The following SIPA1 variants were observed in gnomAD, a reference collection of about 807,000 sequenced individuals.
SIPA1 encodes signal-induced proliferation-associated protein 1.
Under a neutral mutation model 88.1 loss-of-function variants are expected in SIPA1, and 51 were observed. That is an observed-to-expected ratio of 0.58 (90% CI 0.46 to 0.73). SIPA1 has a LOEUF of 0.73. Among genes scored for constraint, SIPA1 ranks in the 30% least tolerant of loss-of-function variants. The pLI, the probability that SIPA1 is intolerant of heterozygous loss-of-function variation, is 0.00. For synonymous variants in SIPA1, 681 were observed against 664.8 expected, an observed-to-expected ratio of 1.02 and a Z score of -0.37; for missense variants, 1,348 against 1,467.6, an observed-to-expected ratio of 0.92 and a Z score of 1.33.
rs1472006126 is a variant in SIPA1 at position 65,640,969 on chromosome 11, C to T, written c.48C>T (p.Ala16=). The change falls in exon 2 of 16, where the codon GCC becomes GCT. Residue 16 remains alanine (A), a synonymous_variant. Coordinates refer to ENST00000534313, the MANE Select transcript of SIPA1 (RefSeq NM_006747.4). ...GGVGSPRRGM[A]PASTDDLFAR... ...TGGGGAGCCCTCGGCGGGGCATGGC[C>T]CCTGCGTCCACAGATGACCTCTTTG... 3.2e-6 allele frequency: 5 copies of T among 1,570,534 alleles called. No homozygotes were observed. In the Admixed American group the frequency reaches 7.3e-5, roughly 23 times the overall value.
chr11:65,638,783 C>A (rs1855947191), intron 1 of SIPA1, among the ~76,000 whole-genome samples: 1 of 152,330 alleles, frequency 6.6e-6, no homozygotes, highest in South Asian at 2.1e-4. Flanking sequence ...GGGCAGAGCC[C>A]GAGAACACCC....
Position 65,649,264 on chromosome 11 carries a change from G to A in SIPA1, c.2309G>A (p.Ser770Asn). The A allele has an allele frequency of 4.0e-6, 6 of 1,518,368 alleles. No individual in the cohort carries two copies. The highest frequency in any genetic ancestry group is 5.3e-6 in the Non-Finnish European group (6 of 1,125,666). 94.1% of individuals were successfully genotyped at this position (1,518,368 alleles called of 1,614,324 possible). Reference sequence around the variant, plus strand: ...CCTGACCCTGTCCCACCCCACAGGAGTTTTTCGGAGCTGTACACGCTGTCG... The same window carrying A: ...CCTGACCCTGTCCCACCCCACAGGAATTTTTCGGAGCTGTACACGCTGTCG... ...PPDESGRPRR[S>N]FSELYTLSLQ... Residue 770 changes from serine (S) to asparagine (N), a missense_variant and splice_region_variant, in exon 10 of 16, where the codon AGT becomes AAT. Around this residue, in one of 4 missense-constraint regions of SIPA1, gnomAD observed 615 missense variants for 559.8 expected, o/e 1.10. Transcript: ENST00000534313.
intron 8 of SIPA1, 78 bp downstream of exon 8, chr11:65,647,143 T>C: frequency 7.0e-7 from 1 of 1,422,948 alleles, no homozygotes; most frequent in Non-Finnish European, 9.2e-7. Flanking sequence ...CCCGCCGCCT[T>C]TGTCCCCTAC....
intron 9 of SIPA1, 22 bp downstream of exon 9, chr11:65,647,680 G>T (rs1195034762): frequency 1.5e-6 from 2 of 1,327,116 alleles, no homozygotes; most frequent in African/African-American, 3.1e-5. Flanking sequence ...GGGGACGCGG[G>T]GAGGTGGGAG....
intron 1 of SIPA1, chr11:65,639,321 CTGG>C (rs914913398): frequency 6.6e-5 from 10 of 152,238 alleles, no homozygotes; most frequent in African/African-American, 2.4e-4. Flanking sequence ...GTTAGCTAGG[CTGG>C]TCTTGAACTC....
chr11:65,640,988 C>T lies in SIPA1; in HGVS notation c.67C>T (p.Leu23Phe), dbSNP rs781439867. The change falls in exon 2 of 16, where the codon CTC (leucine) becomes TTC (phenylalanine). Residue 23 changes from leucine to phenylalanine, a missense_variant. Physicochemically the swap from Leu to Phe is conservative, Grantham distance 22. Transcript: ENST00000534313. Reference protein sequence around the residue: ...RGMAPASTDDLFARKLRQPAR... With the variant: ...RGMAPASTDDFFARKLRQPAR... ...CATGGCCCCTGCGTCCACAGATGAC[C>T]TCTTTGCCCGCAAGCTGCGCCAGCC... 1.9e-6 allele frequency: 3 copies of T among 1,586,406 alleles called. No homozygotes were observed. Among genetic ancestry groups the T allele is most frequent in the Non-Finnish European group, 2.6e-6 (3 of 1,172,574 alleles).
In SIPA1 at chr11:65,650,445, C is replaced by G. The variant is rs1225219336; in HGVS notation, c.2948C>G (p.Ser983Cys). 1.2e-6 allele frequency: 2 copies of G among 1,614,140 alleles called. No homozygotes were observed. The highest frequency in any genetic ancestry group is 1.7e-6 in the Non-Finnish European group (2 of 1,180,026). ...TCAGAGAAGGTCTCTCACTTGGAGT[C>G]CATGCTCAGGAAGCTGCAGGAGGAC... ...NLSEKVSHLE[S>C]MLRKLQEDLQ... Residue 983 changes from serine to cysteine, a missense_variant, in exon 15 of 16, where the codon TCC becomes TGC. Transcript: ENST00000534313.
At position 65,642,778 on chromosome 11, in the gene SIPA1, G is replaced by C. The variant is rs560883497; in HGVS notation, c.984+139G>C. ...CAGAAGAGCTGGCTTTTCAGAGACA[G>C]GGCATCAGAGTTCATCTGGAGCCTT... is the stretch of plus-strand genomic sequence containing the variant. On this transcript the variant is annotated intron_variant, in intron 4 of 15. Transcript: ENST00000534313. The surrounding 1 kb of genome is among the most constrained non-coding windows in gnomAD (Gnocchi z 6.5). 12 of 753,846 alleles carry C rather than the reference G, an allele frequency of 1.6e-5. No individual in the cohort carries two copies. Among genetic ancestry groups the C allele is most frequent in the Admixed American group, 3.4e-5 (1 of 29,786 alleles). 46.7% of individuals were successfully genotyped at this position (753,846 alleles called of 1,614,324 possible). A position where few individuals can be genotyped will look rare whatever the true frequency, so the allele number is the denominator to read the frequency against.
chr11:65,646,758 T>G lies in SIPA1; in HGVS notation c.1724T>G (p.Leu575Arg). 1.3e-6 allele frequency: 2 copies of G among 1,496,382 alleles called. No individual in the cohort carries two copies. Among genetic ancestry groups the G allele is most frequent in the Non-Finnish European group, 1.8e-6 (2 of 1,129,678 alleles). 92.7% of individuals were successfully genotyped at this position (1,496,382 alleles called of 1,614,324 possible). ...RAAPRGPGAELQAAGSLVWGV... is the reference protein window; with the variant it reads ...RAAPRGPGAERQAAGSLVWGV... ...GCCCCTCGGGGCCCAGGCGCCGAGC[T>G]GCAGGCAGCGGGCTCACTGGTGTGG... The change falls in exon 8 of 16, where the codon CTG (leucine) becomes CGG (arginine). Residue 575 changes from leucine (L) to arginine (R), a missense_variant. Physicochemically the swap from Leu to Arg is moderately radical, Grantham distance 102. Around this residue, in one of 4 missense-constraint regions of SIPA1, gnomAD observed 68 missense variants for 59.0 expected, o/e 1.15. Transcript: ENST00000534313. This position sits in a 1 kb window ranked among gnomAD's most constrained non-coding sequence, Gnocchi z 7.5.
In SIPA1 at chr11:65,646,984, C is replaced by T. The variant is rs1232355491; in HGVS notation, c.1950C>T (p.Tyr650=). The T allele has an allele frequency of 1.3e-6, 2 of 1,540,004 alleles. No individual in the cohort carries two copies. Among genetic ancestry groups the T allele is most frequent in the Non-Finnish European group, 1.7e-6 (2 of 1,148,536 alleles). Residue 650 remains tyrosine (Y), a synonymous_variant, in exon 8 of 16, where the codon TAC becomes TAT. Transcript: ENST00000534313. The surrounding 1 kb of genome is among the most constrained non-coding windows in gnomAD (Gnocchi z 7.5). The part of the protein sequence containing the change: ...WTFSEQQLDL[Y]HGRGEAITLR... ...TCTCCGAGCAGCAGCTGGACCTGTACCACGGCCGCGGGGAGGCGATCACGC... is the reference window on the plus strand; with the variant it reads ...TCTCCGAGCAGCAGCTGGACCTGTATCACGGCCGCGGGGAGGCGATCACGC...
In SIPA1 at chr11:65,650,803, G is replaced by A. The variant is rs12420561; in HGVS notation, c.*88G>A. ...TCTCCCTGCGCAGAGGCGTGTCTTA[G>A]CACTGCCCCCCTCCCTAGCCCCTTA... is the stretch of plus-strand genomic sequence containing the variant. On this transcript the variant is annotated 3_prime_UTR_variant, in exon 16 of 16. Coordinates refer to ENST00000534313, the MANE Select transcript of SIPA1 (RefSeq NM_006747.4). 8 of 1,351,858 alleles carry A rather than the reference G, an allele frequency of 5.9e-6. No individual in the cohort carries two copies. In the East Asian group the frequency reaches 2.0e-4, roughly 34 times the overall value. The allele number at this position is 1,351,858 out of a possible 1,614,324, so 83.7% of individuals were successfully genotyped here.
Position 65,649,781 on chromosome 11 carries a change from T to G in SIPA1, c.2662T>G (p.Ser888Ala). The G allele has an allele frequency of 6.2e-7, 1 of 1,614,040 alleles. No individual in the cohort carries two copies. The highest frequency in any genetic ancestry group is 8.5e-7 in the Non-Finnish European group (1 of 1,180,022). The change falls in exon 12 of 16, where the codon TCT (serine) becomes GCT (alanine). Residue 888 changes from serine to alanine, a missense_variant. Transcript: ENST00000534313. ...TQDRPGSPSG[S>A]EDKGNPAPEL... ...GGACAGGCCAGGCAGTCCCAGTGGC[T>G]CTGAGGACAAGGGCAACCCGGCGCC...
At chr11:65,649,910 C>T (rs1359619268) in intron 12 of SIPA1, 40 bp from the exon 13 acceptor site, 5 of 1,613,528 alleles carry the variant, frequency 3.1e-6, no homozygotes, top group African/African-American at 1.3e-5. Flanking sequence ...GGGGGGTGCT[C>T]CTGGGCTTCC....
In SIPA1 at chr11:65,642,578, T is replaced by C; in HGVS notation, c.923T>C (p.Leu308Pro). ...GCGCCGCAGCTGAGCCCCAGCTGCC[T>C]GCGCCTGGGCTCAGCTTCACCCAAG... ...HVAPQLSPSC[L>P]RLGSASPKVP... The change falls in exon 4 of 16, where the codon CTG becomes CCG. Residue 308 changes from leucine to proline, a missense_variant. Leu to Pro is a moderately conservative substitution (Grantham distance 98). Transcript: ENST00000534313. The surrounding 1 kb of genome is among the most constrained non-coding windows in gnomAD (Gnocchi z 6.5). 2 of 1,598,254 alleles carry C rather than the reference T, an allele frequency of 1.3e-6. No homozygotes were observed. The highest frequency in any genetic ancestry group is 1.7e-6 in the Non-Finnish European group (2 of 1,177,174).
Sources: gnomAD v4.1 joint callset for allele counts (sites outside exome capture counted in the v4.1 genomes callset) on GRCh38, gnomAD v4.1.1 for gene constraint, gnomAD v4.1.1 regional missense constraint, Gnocchi (gnomAD v3.1) non-coding constraint, MANE v1.5 for transcripts, NCBI Gene and HGNC (gene_info 2026-07-23, HGNC 2026-07-21) for gene names.